Variants in DENND5A observed in about 807,000 individuals in gnomAD.
The protein encoded by DENND5A is DENN domain containing 5A.
DENND5A carries 64 observed loss-of-function variants against 140.3 expected under a neutral mutation model. That is an observed-to-expected ratio of 0.46 (90% CI 0.37 to 0.56). The LOEUF (loss-of-function observed/expected upper bound fraction) is 0.56. Among genes scored for constraint, DENND5A ranks in the 20% least tolerant of loss-of-function variants. The probability of loss-of-function intolerance (pLI) is 0.00; values close to 1 mark genes in which losing one functional copy is unlikely to be tolerated. For missense variants in DENND5A, 1,292 were observed against 1,593.8 expected (o/e 0.81, Z 3.22); for synonymous variants, 605 against 607.7 (o/e 1.00, Z 0.07).
intron 5 of DENND5A, among the ~76,000 whole-genome samples, chr11:9,184,339 C>T (rs929893943): frequency 1.3e-5 from 2 of 150,718 alleles, no homozygotes; most frequent in African/African-American, 2.4e-5. Flanking sequence ...GGCGACAGAG[C>T]GAGACTCCGT....
At chr11:9,152,536 A>G in intron 12 of DENND5A, 94 bp from the exon 13 acceptor site, 1 of 854,192 alleles carries the variant, frequency 1.2e-6, no homozygotes, top group South Asian at 1.3e-5. Flanking sequence ...AAAAAAATAT[A>G]TGTACTGTTT....
At chr11:9,182,353 G>A (rs1182540075) in intron 5 of DENND5A, among the ~76,000 whole-genome samples, 1 of 152,092 alleles carries the variant, frequency 6.6e-6, no homozygotes, top group African/African-American at 2.4e-5. Flanking sequence ...CAGTAATGCA[G>A]CAGTATCTAG....
At chr11:9,184,307 C>A (rs563389177) in intron 5 of DENND5A, among the ~76,000 whole-genome samples, 5 of 151,628 alleles carry the variant, frequency 3.3e-5, no homozygotes, top group Non-Finnish European at 5.9e-5. Flanking sequence ...GAGCCAAGAT[C>A]GCGCCACTGC....
At chr11:9,193,795 C>A (rs748410911) in intron 4 of DENND5A, 114 bp from the exon 5 acceptor site, 16 of 923,318 alleles carry the variant, frequency 1.7e-5, no homozygotes, top group Non-Finnish European at 2.4e-5. Context: ...GAAACGATCA[C>A]GATAAACTTC....
chr11:9,185,875 G>A (rs957205046), intron 5 of DENND5A, among the ~76,000 whole-genome samples: 6 of 151,226 alleles, frequency 4.0e-5, no homozygotes, highest in African/African-American at 1.2e-4. Context: ...GTGTGTGTGC[G>A]TTTTCTGGAT....
In DENND5A at chr11:9,150,062, C is replaced by A; in HGVS notation, c.2735+19G>T. On this transcript the variant is annotated intron_variant, in intron 15 of 22. Transcript: ENST00000328194. Reference sequence around the variant, plus strand: ...CCATTCCTGGGAGCCTGCTTCTACTCCTGGCGGAGCAGCCTTACTTGGTGA... The same window carrying A: ...CCATTCCTGGGAGCCTGCTTCTACTACTGGCGGAGCAGCCTTACTTGGTGA... The A allele has an allele frequency of 1.2e-6, 2 of 1,601,824 alleles. No individual in the cohort carries two copies. The highest frequency in any genetic ancestry group is 1.7e-6 in the Non-Finnish European group (2 of 1,174,834).
chr11:9,228,150 T>A (rs923875303), intron 1 of DENND5A, among the ~76,000 whole-genome samples: 1 of 150,420 alleles, frequency 6.6e-6, no homozygotes. Context: ...TTGGTCTTAG[T>A]CCCTGGTTAC....
intron 5 of DENND5A, among the ~76,000 whole-genome samples, chr11:9,185,551 A>C (rs1848881952): frequency 6.6e-6 from 1 of 152,240 alleles, no homozygotes; most frequent in South Asian, 2.1e-4. Context: ...GGGGAGGGAT[A>C]GCATTAGGAG....
Position 9,193,592 on chromosome 11 carries a change from C to A in DENND5A, c.1039G>T (p.Ala347Ser). ...WQHVYVPILP[A>S]SLLHFLDAPV... The stretch of plus-strand genomic sequence containing the variant: ...GCATCTAAGAAATGCAGGAGAGAAG[C>A]TGGGAGAATAGGGACATAGACATGC... Residue 347 changes from alanine (A) to serine (S), a missense_variant, in exon 5 of 23, where the codon GCT (alanine) becomes TCT (serine). By Grantham distance (99) the Ala-to-Ser change is moderately conservative. Coordinates refer to ENST00000328194, the MANE Select transcript of DENND5A (RefSeq NM_015213.4). 1 of 1,614,036 alleles carries A rather than the reference C, an allele frequency of 6.2e-7. No individual in the cohort carries two copies. The highest frequency in any genetic ancestry group is 2.2e-5 in the East Asian group (1 of 44,868).
At chr11:9,178,499 T>C (rs61877791) in intron 7 of DENND5A, 133 bp from the exon 8 acceptor site, 1 of 611,752 alleles carries the variant, frequency 1.6e-6, no homozygotes, top group Non-Finnish European at 2.8e-6. Context: ...AATCTCTACA[T>C]TAAAAAAAAA....
intron 9 of DENND5A, 51 bp from the exon 10 acceptor site, chr11:9,170,000 G>A: frequency 7.6e-7 from 1 of 1,317,578 alleles, no homozygotes; most frequent in Non-Finnish European, 1.1e-6. Flanking sequence ...CACTTAAAAA[G>A]CAATGTCAAC....
intron 8 of DENND5A, chr11:9,175,494 G>C (rs1162112225): frequency 6.6e-6 from 1 of 152,086 alleles, no homozygotes; most frequent in Non-Finnish European, 1.5e-5. Context: ...GAAATACAAA[G>C]AACCCAGAAT....
At chr11:9,153,343 T>G (rs1330948554) in intron 12 of DENND5A, among the ~76,000 whole-genome samples, 1 of 23,440 alleles carries the variant, frequency 4.3e-5, no homozygotes, top group African/African-American at 3.4e-4. Flanking sequence ...AGGCTCCCTC[T>G]CAAAAAAAAA....
At chr11:9,241,664 A>AG (rs531148017) in intron 1 of DENND5A, among the ~76,000 whole-genome samples, 323 of 152,270 alleles carry the variant, frequency 2.1e-3, no homozygotes, top group African/African-American at 7.3e-3. Flanking sequence ...TTGACTCCTT[A>AG]GAATTCTCCT....
At chr11:9,216,762 G>C (rs1185205605) in intron 1 of DENND5A, among the ~76,000 whole-genome samples, 1 of 152,134 alleles carries the variant, frequency 6.6e-6, no homozygotes, top group East Asian at 1.9e-4. Context: ...ATAATTACTA[G>C]TCTGGAGGCT....
intron 8 of DENND5A, among the ~76,000 whole-genome samples, chr11:9,172,642 T>G (rs903733436): frequency 6.6e-6 from 1 of 152,172 alleles, no homozygotes; most frequent in African/African-American, 2.4e-5. Context: ...CCTGCTGTGC[T>G]GTGAAGAGGT....
rs774619638 is a variant in DENND5A at position 9,141,986 on chromosome 11, T to C, written c.3634A>G (p.Ile1212Val). 1.2e-6 allele frequency: 2 copies of C among 1,603,800 alleles called. No homozygotes were observed. Among genetic ancestry groups the C allele is most frequent in the East Asian group, 2.2e-5 (1 of 44,580 alleles). Residue 1212 changes from isoleucine (I) to valine (V), a missense_variant, in exon 22 of 23, where the codon ATC becomes GTC. Physicochemically the swap from Ile to Val is conservative, Grantham distance 29. Coordinates refer to ENST00000328194, the MANE Select transcript of DENND5A (RefSeq NM_015213.4). ...VTAINNTPRNIGKDGKFQMLV... is the reference protein window; with the variant it reads ...VTAINNTPRNVGKDGKFQMLV... ...ATCTGAAACTTGCCATCCTTGCCGA[T>C]GTTCCGGGGAGTATTGTTGATTGCA...
intron 20 of DENND5A, chr11:9,143,173 C>A: frequency 1.7e-6 from 1 of 597,776 alleles, no homozygotes; most frequent in Non-Finnish European, 3.0e-6. Flanking sequence ...ACTAGGGGCC[C>A]AGGGACTCTA....
intron 1 of DENND5A, among the ~76,000 whole-genome samples, chr11:9,237,278 G>T (rs1564932540): frequency 6.6e-6 from 1 of 151,944 alleles, no homozygotes; most frequent in African/African-American, 2.4e-5. Context: ...ATTAGCCAGG[G>T]GTGTGGTGGC....
Sources: allele counts gnomAD v4.1 joint callset (sites outside exome capture counted in the v4.1 genomes callset), GRCh38; gene constraint gnomAD v4.1.1; transcripts MANE v1.5; gene names NCBI Gene and HGNC (gene_info 2026-07-23, HGNC 2026-07-21).